Variants in MRPL27 observed in about 807,000 individuals in gnomAD.
MRPL27 encodes the protein large ribosomal subunit protein bL27m.
A neutral mutation model predicts 14.6 loss-of-function variants in MRPL27; 4 were observed. The ratio of observed to expected loss-of-function variants is 0.27; its 90% CI spans 0.14 to 0.63. MRPL27 has a LOEUF of 0.63. MRPL27 is among the 20% of genes least tolerant of loss of function. The pLI, the probability that MRPL27 is intolerant of heterozygous loss-of-function variation, is 0.85. For synonymous variants in MRPL27, 82 were observed against 75.5 expected, an observed-to-expected ratio of 1.09 and a Z score of -0.45; for missense variants, 196 against 192.8, an observed-to-expected ratio of 1.02 and a Z score of -0.10.
Position 50,367,936 on chromosome 17 carries a change from G to T in MRPL27, c.*156C>A. Reference sequence around the variant, plus strand: ...TTGGCCCCAGGTCAGGTCTCCCAAAGGGTTTCCCAGCAGTCACTTCAGAGT... The same window carrying T: ...TTGGCCCCAGGTCAGGTCTCCCAAATGGTTTCCCAGCAGTCACTTCAGAGT... On this transcript the variant is annotated 3_prime_UTR_variant, in exon 4 of 4. Coordinates refer to ENST00000225969, the MANE Select transcript of MRPL27 (RefSeq NM_016504.3). The T allele has an allele frequency of 6.2e-6, 5 of 800,214 alleles. No homozygotes were observed. The South Asian group carries it at 9.1e-5, about 15-fold the overall frequency. 49.6% of individuals were successfully genotyped at this position (800,214 alleles called of 1,614,324 possible).
At chr17:50,373,051 A>T in intron 1 of MRPL27, 80 bp downstream of exon 1, 1 of 1,590,768 alleles carries the variant, frequency 6.3e-7, no homozygotes, top group Admixed American at 1.7e-5. Flanking sequence ...CGCGGGGATC[A>T]GTGTCACCTC....
Position 50,370,547 on chromosome 17 carries a change from G to C in MRPL27, c.80C>G (p.Ala27Gly), listed in dbSNP as rs377690458. ...LLSPTPATAL[A>G]VRYASKKSGG... ...CGACTTCTTGGATGCGTATCTGACA[G>C]CAAGAGCTGTAGCCGGAGTGGGGCT... The change falls in exon 2 of 4, where the codon GCT (alanine) becomes GGT (glycine). Residue 27 changes from alanine (A) to glycine (G), a missense_variant. By Grantham distance (60) the Ala-to-Gly change is moderately conservative. Transcript: ENST00000225969. The C allele has an allele frequency of 1.2e-6, 2 of 1,614,102 alleles. No individual in the cohort carries two copies. The highest frequency in any genetic ancestry group is 1.3e-5 in the African/African-American group (1 of 74,936).
At chr17:50,370,658 G>T in intron 1 of MRPL27, 72 bp from the exon 2 acceptor site, 1 of 1,591,522 alleles carries the variant, frequency 6.3e-7, no homozygotes, top group South Asian at 1.1e-5. Context: ...GCCACATGCT[G>T]ATACGTGAGA....
chr17:50,369,482 G>A (rs1432535763), intron 3 of MRPL27: 1 of 191,424 alleles, frequency 5.2e-6, no homozygotes, highest in Non-Finnish European at 1.1e-5. Flanking sequence ...ACAAAGAACT[G>A]TCCTACCCTA....
Position 50,370,040 on chromosome 17 carries a change from C to G in MRPL27, c.232G>C (p.Gly78Arg). 6.2e-7 allele frequency: 1 copy of G among 1,613,912 alleles called. No individual in the cohort carries two copies. Among genetic ancestry groups the G allele is most frequent in the East Asian group, 2.2e-5 (1 of 44,864 alleles). ...GCAACGGAGCAACTCACATGGGCACCTGGGTGCCAGCGGAAATGGCGCTGT... is the reference window on the plus strand; with the variant it reads ...GCAACGGAGCAACTCACATGGGCACGTGGGTGCCAGCGGAAATGGCGCTGT... ...ATQRHFRWHP[G>R]AHVGVGKNKC... Residue 78 changes from glycine to arginine, a missense_variant, in exon 3 of 4, where the codon GGT becomes CGT. Transcript: ENST00000225969.
Position 50,370,166 on chromosome 17 carries a change from T to C in MRPL27, c.173-67A>G, listed in dbSNP as rs1046508095. The C allele has an allele frequency of 4.7e-6, 7 of 1,483,634 alleles. No homozygotes were observed. In the African/African-American group the frequency reaches 7.1e-5, roughly 15 times the overall value. The allele number at this position is 1,483,634 out of a possible 1,614,324, so 91.9% of individuals were successfully genotyped here. A position where few individuals can be genotyped will look rare whatever the true frequency, so the allele number is the denominator to read the frequency against. ...TACCAAGAAAACATGATGGCCCAAA[T>C]GCTGCACACCAACCTCCAAGCCTGC... On this transcript the variant is annotated intron_variant, in intron 2 of 3. Coordinates refer to ENST00000225969, the MANE Select transcript of MRPL27 (RefSeq NM_016504.3).
In MRPL27 at chr17:50,373,163, G is replaced by C. The variant is rs144070750; in HGVS notation, c.8C>G (p.Ser3Trp). 1 of 1,611,722 alleles carries C rather than the reference G, an allele frequency of 6.2e-7. No homozygotes were observed. The highest frequency in any genetic ancestry group is 1.7e-4 in the Middle Eastern group (1 of 6,040). ...CCGGGTCCTCAGCGCCAACACCACC[G>C]ACGCCATGCTTTCGATCACTCACTT... MA[S>W]VVLALRTRTA... Residue 3 changes from serine to tryptophan, a missense_variant, in exon 1 of 4, where the codon TCG becomes TGG. By Grantham distance (177) the Ser-to-Trp change is radical. Coordinates refer to ENST00000225969, the MANE Select transcript of MRPL27 (RefSeq NM_016504.3).
At chr17:50,369,222 ATG>A (rs1913053089) in intron 3 of MRPL27, 4 of 239,184 alleles carry the variant, frequency 1.7e-5, no homozygotes, top group Admixed American at 1.1e-4. Context: ...CTAGCTCAAA[ATG>A]TGTTAGCTTT....
intron 2 of MRPL27, 53 bp downstream of exon 2, chr17:50,370,402 G>A: frequency 6.2e-7 from 1 of 1,612,626 alleles, no homozygotes; most frequent in Non-Finnish European, 8.5e-7. Context: ...GCTCTCCTAA[G>A]GAACATGAGG....
intron 2 of MRPL27, 119 bp downstream of exon 2, chr17:50,370,336 T>C: frequency 6.6e-7 from 1 of 1,515,696 alleles, no homozygotes; most frequent in Non-Finnish European, 9.0e-7. Flanking sequence ...TCCTTTAAAC[T>C]GGAGCCAATT....
chr17:50,370,086 A>G lies in MRPL27; in HGVS notation c.186T>C (p.His62=). Residue 62 remains histidine (H), a synonymous_variant, in exon 3 of 4, where the codon CAT becomes CAC. Transcript: ENST00000225969. Reference sequence around the variant, plus strand: ...GCTGTGTTGCAATGATGTTCCCAGCATGAACATAGTGACCTAGAAGAGAAG... The same window carrying G: ...GCTGTGTTGCAATGATGTTCCCAGCGTGAACATAGTGACCTAGAAGAGAAG... The part of the protein sequence containing the change: ...GIKKMEGHYV[H]AGNIIATQRH... 1 of 1,612,832 alleles carries G rather than the reference A, an allele frequency of 6.2e-7. No homozygotes were observed. The highest frequency in any genetic ancestry group is 8.5e-7 in the Non-Finnish European group (1 of 1,179,612).
rs943184997 is a variant in MRPL27, at chr17:50,368,105, A to C, written c.434T>G (p.Val145Gly). ...CTCAACAGGACATCAAAGCATAGCT[A>C]CCAGTTTGAAGGTGCCCTCAGGCTT... ...PAKPEGTFKL[V>G]AML The change falls in exon 4 of 4, where the codon GTA becomes GGA. Residue 145 changes from valine (V) to glycine (G), a missense_variant. Transcript: ENST00000225969. 2.5e-6 allele frequency: 4 copies of C among 1,614,086 alleles called. No homozygotes were observed. The African/African-American group carries it at 4.0e-5, about 16-fold the overall frequency.
rs1913029328 is a variant in MRPL27, at chr17:50,368,480, CAT to C, written c.241-184_241-183del. 3 of 639,676 alleles carry C rather than the reference CAT, an allele frequency of 4.7e-6. No homozygotes were observed. The South Asian group carries it at 5.9e-5, about 13-fold the overall frequency. The allele number at this position is 639,676 out of a possible 1,614,324, so 39.6% of individuals were successfully genotyped here. On this transcript the variant is annotated intron_variant, in intron 3 of 3. Coordinates refer to ENST00000225969, the MANE Select transcript of MRPL27 (RefSeq NM_016504.3). ...CAAACCTTCTGCTTCTTTATTGACT[CAT>C]AACAAATGAGGGAAAAGAAAGCTCC...
chr17:50,373,021 C>T, intron 1 of MRPL27, 110 bp downstream of exon 1: 1 of 1,474,120 alleles, frequency 6.8e-7, no homozygotes, highest in Non-Finnish European at 9.3e-7. Context: ...CACACACTTC[C>T]CCTCGCATCC....
Position 50,368,089 on chromosome 17 carries a change from A to T in MRPL27, c.*3T>A, listed in dbSNP as rs1362257800. 1.9e-6 allele frequency: 3 copies of T among 1,614,056 alleles called. No homozygotes were observed. Among genetic ancestry groups the T allele is most frequent in the Non-Finnish European group, 2.5e-6 (3 of 1,179,938 alleles). ...GTCTCTGTCCGATGGCCTCAACAGG[A>T]CATCAAAGCATAGCTACCAGTTTGA... On this transcript the variant is annotated 3_prime_UTR_variant, in exon 4 of 4. Coordinates refer to ENST00000225969, the MANE Select transcript of MRPL27 (RefSeq NM_016504.3).
intron 3 of MRPL27, 30 bp downstream of exon 3, chr17:50,370,001 GA>G: frequency 6.2e-7 from 1 of 1,611,840 alleles, no homozygotes. Flanking sequence ...CCTAGAAAAG[GA>G]AAAAGGGGGG....
At chr17:50,368,632 G>C (rs1323696234) in intron 3 of MRPL27, 1 of 592,574 alleles carries the variant, frequency 1.7e-6, no homozygotes, top group Non-Finnish European at 3.0e-6. Context: ...TCTTCACTTA[G>C]ACTTAAACAA....
At chr17:50,372,001 G>A (rs1444900940) in intron 1 of MRPL27, among the ~76,000 whole-genome samples, 1 of 152,142 alleles carries the variant, frequency 6.6e-6, no homozygotes, top group Non-Finnish European at 1.5e-5. Context: ...AGCAAGCTCT[G>A]TGGATGCTAA....
rs748750768 is a variant in MRPL27, at chr17:50,370,021, G to C, written c.240+11C>G. The C allele has an allele frequency of 1.9e-6, 3 of 1,613,858 alleles. No homozygotes were observed. The highest frequency in any genetic ancestry group is 2.2e-5 in the South Asian group (2 of 91,026). ...AAAAGGAAAAAGGGGGGCAGCAACG[G>C]AGCAACTCACATGGGCACCTGGGTG... On this transcript the variant is annotated intron_variant, in intron 3 of 3. Coordinates refer to ENST00000225969, the MANE Select transcript of MRPL27 (RefSeq NM_016504.3).
Sources: gnomAD v4.1 joint callset for allele counts (sites outside exome capture counted in the v4.1 genomes callset) on GRCh38, gnomAD v4.1.1 for gene constraint, MANE v1.5 for transcripts, NCBI Gene and HGNC (gene_info 2026-07-23, HGNC 2026-07-21) for gene names.